CERS6: variants seen among roughly 807,000 people sequenced by gnomAD.
The protein encoded by CERS6 is LAG1 homolog, ceramide synthase 6.
CERS6 carries 26 observed loss-of-function variants against 56.8 expected under a neutral mutation model. The ratio of observed to expected loss-of-function variants is 0.46; its 90% CI spans 0.34 to 0.63. The LOEUF (loss-of-function observed/expected upper bound fraction) is 0.63, where lower values mean the gene tolerates loss of function less well. Among genes scored for constraint, CERS6 ranks in the 30% least tolerant of loss-of-function variants. The pLI is 0.01. For synonymous variants in CERS6, 164 were observed against 173.3 expected (o/e 0.95, Z 0.42); for missense variants, 415 against 467.5 (o/e 0.89, Z 1.04).
intron 4 of CERS6, among the ~76,000 whole-genome samples, chr2:168,650,731 C>T (rs1444277444): frequency 6.6e-6 from 1 of 152,028 alleles, no homozygotes; most frequent in Non-Finnish European, 1.5e-5. Flanking sequence ...GTGGCAGCTA[C>T]ATGGTGCATT....
At chr2:168,483,736 A>G (rs1320627193) in intron 1 of CERS6, among the ~76,000 whole-genome samples, 1 of 152,240 alleles carries the variant, frequency 6.6e-6, no homozygotes, top group African/African-American at 2.4e-5. Flanking sequence ...TCACAGTGGA[A>G]TAGAATGCAC....
intron 8 of CERS6, among the ~76,000 whole-genome samples, chr2:168,728,461 C>T (rs1414812663): frequency 3.5e-5 from 5 of 142,880 alleles, no homozygotes; most frequent in Non-Finnish European, 6.0e-5. Flanking sequence ...GCGATCTCGG[C>T]TCACTGCAAC....
intron 4 of CERS6, among the ~76,000 whole-genome samples, chr2:168,657,990 A>C (rs148516180): frequency 9.2e-5 from 14 of 152,180 alleles, no homozygotes; most frequent in African/African-American, 3.4e-4. Context: ...CTGCCAGCAC[A>C]CTGTCACCTC....
At chr2:168,768,874 C>A (rs906292467) in intron 9 of CERS6, among the ~76,000 whole-genome samples, 2 of 136,022 alleles carry the variant, frequency 1.5e-5, no homozygotes, top group Admixed American at 1.6e-4. Flanking sequence ...CAGTGCACTC[C>A]AGCCTGGGCA....
At chr2:168,533,185 A>G (rs1024084240) in intron 1 of CERS6, among the ~76,000 whole-genome samples, 4 of 152,218 alleles carry the variant, frequency 2.6e-5, no homozygotes, top group African/African-American at 9.6e-5. Flanking sequence ...TGATTTTCGC[A>G]TGAATGTTCA....
At position 168,656,913 on chromosome 2, in the gene CERS6, T is replaced by A. The variant is rs574847591; in HGVS notation, c.465+25871T>A. On this transcript the variant is annotated intron_variant, in intron 4 of 9. Transcript: ENST00000305747. ...GTTCTCCACCTCCCCATCAGATTAG[T>A]TAGATACAGAGTTTCCACACACAGG... is the stretch of plus-strand genomic sequence containing the variant. Among the ~76,000 whole-genome samples the A allele has an allele frequency of 8.5e-4, 129 of 152,262 alleles. 1 individual carries two copies. The highest frequency in any genetic ancestry group is 3.4e-3 in the Middle Eastern group (1 of 294).
chr2:168,486,982 C>A lies in CERS6; in HGVS notation c.170+30364C>A, dbSNP rs181408790. Among the ~76,000 whole-genome samples, 18 of 152,100 alleles carry A rather than the reference C, an allele frequency of 1.2e-4. No individual in the cohort carries two copies. The East Asian group carries it at 3.3e-3, about 28-fold the overall frequency. ...AATGATTTTTTTTTCAGTGTGACTTCCAGGAATGAACTGCATCATAAAGGT... is the reference window on the plus strand; with the variant it reads ...AATGATTTTTTTTTCAGTGTGACTTACAGGAATGAACTGCATCATAAAGGT... On this transcript the variant is annotated intron_variant, in intron 1 of 9. Transcript: ENST00000305747.
At chr2:168,706,437 C>T (rs912504571) in intron 6 of CERS6, among the ~76,000 whole-genome samples, 1 of 152,180 alleles carries the variant, frequency 6.6e-6, no homozygotes, top group South Asian at 2.1e-4. Flanking sequence ...GTAAACTCTG[C>T]TTATACAATG....
intron 6 of CERS6, among the ~76,000 whole-genome samples, chr2:168,698,255 GAAAAAAAAAAAAAAAAA>G (rs869056813): frequency 3.3e-4 from 6 of 17,954 alleles, no homozygotes; most frequent in Admixed American, 1.8e-3. Flanking sequence ...AAAAAAAAAA[GAAAAAAAAAAAAAAAAA>G]AAAGAAACAC....
At chr2:168,519,581 G>C (rs753767043) in intron 1 of CERS6, among the ~76,000 whole-genome samples, 4 of 152,038 alleles carry the variant, frequency 2.6e-5, no homozygotes, top group Non-Finnish European at 5.9e-5. Flanking sequence ...GTGTTTGTGC[G>C]TACCCAATGT....
chr2:168,698,262 A>G (rs1327789180), intron 6 of CERS6, among the ~76,000 whole-genome samples: 3,971 of 64,524 alleles, frequency 0.062, 161 homozygotes, highest in African/African-American at 0.13. Flanking sequence ...AAAGAAAAAA[A>G]AAAAAAAAAA....
intron 3 of CERS6, among the ~76,000 whole-genome samples, chr2:168,601,377 C>T (rs1683928827): frequency 6.6e-6 from 1 of 152,138 alleles, no homozygotes. Context: ...TTGCATTTAT[C>T]AATAGTATTG....
intron 1 of CERS6, among the ~76,000 whole-genome samples, chr2:168,542,258 T>C (rs1237913224): frequency 2.0e-5 from 3 of 152,228 alleles, no homozygotes; most frequent in Admixed American, 1.3e-4. Flanking sequence ...TGGATTCAAA[T>C]ACAGTTCTAA....
intron 1 of CERS6, among the ~76,000 whole-genome samples, chr2:168,459,104 A>G (rs974069600): frequency 1.3e-5 from 2 of 152,228 alleles, no homozygotes; most frequent in Admixed American, 1.3e-4. Context: ...TGTAGAATGA[A>G]ATGCTTTTGT....
chr2:168,665,234 A>C (rs971554213), intron 4 of CERS6, among the ~76,000 whole-genome samples: 5 of 152,190 alleles, frequency 3.3e-5, no homozygotes, highest in Admixed American at 6.5e-5. Flanking sequence ...CCTGAAGTGT[A>C]TGAGTCTCTT....
intron 4 of CERS6, among the ~76,000 whole-genome samples, chr2:168,654,338 G>A (rs1288737756): frequency 2.0e-5 from 3 of 152,116 alleles, no homozygotes; most frequent in African/African-American, 7.2e-5. Flanking sequence ...CACCTGAGGA[G>A]TTCGAGACCA....
intron 1 of CERS6, among the ~76,000 whole-genome samples, chr2:168,486,171 T>G: frequency 6.6e-6 from 1 of 152,184 alleles, no homozygotes; most frequent in East Asian, 1.9e-4. Context: ...TGTTTAGATT[T>G]TTTGCCCATT....
chr2:168,637,651 TAGA>T (rs1301817087), intron 4 of CERS6, among the ~76,000 whole-genome samples: 3 of 152,172 alleles, frequency 2.0e-5, no homozygotes, highest in Non-Finnish European at 4.4e-5. Flanking sequence ...TGTCTCATAT[TAGA>T]AGAATATTTT....
intron 1 of CERS6, among the ~76,000 whole-genome samples, chr2:168,547,378 A>T (rs1048444389): frequency 1.3e-5 from 2 of 152,132 alleles, no homozygotes; most frequent in African/African-American, 2.4e-5. Context: ...TAAATGTTTT[A>T]AAAGGATTTC....
Sources: allele counts gnomAD v4.1 joint callset (sites outside exome capture counted in the v4.1 genomes callset), GRCh38; gene constraint gnomAD v4.1.1; transcripts MANE v1.5; gene names NCBI Gene and HGNC (gene_info 2026-07-23, HGNC 2026-07-21).